METTL17: variants seen among roughly 807,000 people sequenced by gnomAD.
The protein encoded by METTL17 is ribosome assembly protein METTL17, mitochondrial.
METTL17 carries 49 observed loss-of-function variants against 59.4 expected under a neutral mutation model. The ratio of observed to expected loss-of-function variants is 0.82; its 90% CI spans 0.66 to 1.05. The LOEUF (loss-of-function observed/expected upper bound fraction) is 1.05. Among genes scored for constraint, METTL17 ranks in the 50% least tolerant of loss-of-function variants. The pLI, the probability that METTL17 is intolerant of heterozygous loss-of-function variation, is 0.00. For synonymous variants in METTL17, 208 were observed against 209.2 expected (o/e 0.99, Z 0.05); for missense variants, 555 against 578.4 (o/e 0.96, Z 0.41).
At chr14:20,996,397 G>C (rs1312275747) in intron 12 of METTL17, 105 bp downstream of exon 12, 6 of 1,479,632 alleles carry the variant, frequency 4.1e-6, no homozygotes, top group Non-Finnish European at 5.6e-6. Context: ...ATAGCCTGGA[G>C]ACTTTAGGGC....
At position 20,993,752 on chromosome 14, in the gene METTL17, C is replaced by G. The variant is rs1305665472; in HGVS notation, c.603-217C>G. The G allele has an allele frequency of 2.0e-5, 7 of 345,454 alleles. 1 individual carries two copies. In the East Asian group the frequency reaches 3.8e-4, roughly 19 times the overall value. 21.4% of individuals were successfully genotyped at this position (345,454 alleles called of 1,614,324 possible). A position where few individuals can be genotyped will look rare whatever the true frequency, so the allele number is the denominator to read the frequency against. ...CCTCCCAAAGTGCTGGGATTACAAG[C>G]ATGAGCCACTGTGCCCAGCTGAGTC... is the stretch of plus-strand genomic sequence containing the variant. On this transcript the variant is annotated intron_variant, in intron 6 of 13. Transcript: ENST00000339374.
rs1031255766 is a variant in METTL17, at chr14:20,996,779, C to T, written c.1266-6C>T. On this transcript the variant is annotated splice_region_variant and splice_polypyrimidine_tract_variant and intron_variant, in intron 13 of 13. Transcript: ENST00000339374. The stretch of plus-strand genomic sequence containing the variant: ...CTGCAGCCCACGCCAGCATCTGTTT[C>T]CACAGGGATTTGTATCGTTGTGCCC... 1 of 1,614,224 alleles carries T rather than the reference C, an allele frequency of 6.2e-7. No individual in the cohort carries two copies. The highest frequency in any genetic ancestry group is 1.1e-5 in the South Asian group (1 of 91,092).
intron 1 of METTL17, 75 bp from the exon 2 acceptor site, chr14:20,990,155 G>A: frequency 6.3e-7 from 1 of 1,596,574 alleles, no homozygotes; most frequent in Non-Finnish European, 8.5e-7. Context: ...GAGCGCTCCT[G>A]GCAGCCCCCG....
Position 20,996,962 on chromosome 14 carries a change from A to AT in METTL17, c.*72_*73insT. On this transcript the variant is annotated 3_prime_UTR_variant, in exon 14 of 14. Coordinates refer to ENST00000339374, the MANE Select transcript of METTL17 (RefSeq NM_022734.3). The stretch of plus-strand genomic sequence containing the variant: ...GAAGCTGCCTGGTATCCAGGAGGGG[A>AT]ATGCTGGTATCCCCATATGTCTGTG... 1 of 1,485,034 alleles carries AT rather than the reference A, an allele frequency of 6.7e-7. No homozygotes were observed. The highest frequency in any genetic ancestry group is 9.1e-7 in the Non-Finnish European group (1 of 1,093,574). 92.0% of individuals were successfully genotyped at this position (1,485,034 alleles called of 1,614,324 possible).
rs1335016327 is a variant in METTL17 at position 20,994,979 on chromosome 14, T to G, written c.876+78T>G. On this transcript the variant is annotated intron_variant, in intron 9 of 13. Transcript: ENST00000339374. Reference sequence around the variant, plus strand: ...CATGCCTTTGCTCCTCTCATTGTCTTTATTCTTCACCATTTTTCTCCTTCA... The same window carrying G: ...CATGCCTTTGCTCCTCTCATTGTCTGTATTCTTCACCATTTTTCTCCTTCA... The G allele has an allele frequency of 3.1e-6, 4 of 1,280,818 alleles. No homozygotes were observed. The African/African-American group carries it at 5.9e-5, about 19-fold the overall frequency. The allele number at this position is 1,280,818 out of a possible 1,614,324, so 79.3% of individuals were successfully genotyped here. A position where few individuals can be genotyped will look rare whatever the true frequency, so the allele number is the denominator to read the frequency against.
At chr14:20,993,631 C>T (rs1413681037) in intron 6 of METTL17, 4 of 219,650 alleles carry the variant, frequency 1.8e-5, no homozygotes, top group Non-Finnish European at 9.1e-6. Flanking sequence ...CACGCCACCA[C>T]ACCCAGCTAA....
At position 20,990,270 on chromosome 14, in the gene METTL17, A is replaced by G. The variant is rs777812305; in HGVS notation, c.116A>G (p.Asn39Ser). 9.9e-6 allele frequency: 16 copies of G among 1,614,096 alleles called. No individual in the cohort carries two copies. The highest frequency in any genetic ancestry group is 1.3e-5 in the Non-Finnish European group (15 of 1,180,022). Residue 39 changes from asparagine (N) to serine (S), a missense_variant, in exon 2 of 14, where the codon AAC (asparagine) becomes AGC (serine). Asn to Ser is a conservative substitution (Grantham distance 46, BLOSUM62 1). Transcript: ENST00000339374. ...ALVPGVTQVD[N>S]KSGFLQKRPH... ...GTACCCGGAGTGACCCAGGTAGATA[A>G]CAAGTCCGGTTTCCTGCAGAAGAGG... is the stretch of plus-strand genomic sequence containing the variant.
intron 1 of METTL17, 58 bp downstream of exon 1, chr14:20,990,135 C>T: frequency 6.2e-7 from 1 of 1,610,912 alleles, no homozygotes; most frequent in Non-Finnish European, 8.5e-7. Context: ...GACATCTCCG[C>T]GCAGAGGAGG....
chr14:20,994,889 A>G lies in METTL17; in HGVS notation c.864A>G (p.Thr288=), dbSNP rs762723613. The G allele has an allele frequency of 1.2e-6, 2 of 1,613,264 alleles. No homozygotes were observed. Among genetic ancestry groups the G allele is most frequent in the South Asian group, 2.2e-5 (2 of 90,864 alleles). The change falls in exon 9 of 14, where the codon ACA becomes ACG. Residue 288 remains threonine, a synonymous_variant. Coordinates refer to ENST00000339374, the MANE Select transcript of METTL17 (RefSeq NM_022734.3). ...TEVVQTLWRK[T]GHFLVLVENG... The stretch of plus-strand genomic sequence containing the variant: ...TAGTTCAAACCTTATGGCGTAAGAC[A>G]GGTCATTTCCTGGTGAGTTAAAATT...
intron 3 of METTL17, 146 bp from the exon 4 acceptor site, chr14:20,991,978 C>G (rs767993306): frequency 3.0e-6 from 2 of 676,574 alleles, no homozygotes; most frequent in African/African-American, 1.8e-5. Context: ...TTGCCTGAAA[C>G]TTTTCTCTAG....
intron 9 of METTL17, 99 bp downstream of exon 9, chr14:20,995,000 C>T: frequency 8.4e-7 from 1 of 1,195,508 alleles, no homozygotes; most frequent in South Asian, 1.4e-5. Context: ...CATTTTTCTC[C>T]TTCATGGGTT....
chr14:20,995,507 A>G (rs532374361), intron 10 of METTL17, among the ~76,000 whole-genome samples: 1 of 152,340 alleles, frequency 6.6e-6, no homozygotes, highest in East Asian at 1.9e-4. Context: ...GTTGGGACAG[A>G]GATAGATTTT....
intron 7 of METTL17, 37 bp from the exon 8 acceptor site, chr14:20,994,506 C>T (rs1239935691): frequency 4.5e-6 from 7 of 1,551,240 alleles, no homozygotes; most frequent in Non-Finnish European, 6.2e-6. Flanking sequence ...TACCTAACTT[C>T]CTACACACTC....
chr14:20,995,890 T>G lies in METTL17; in HGVS notation c.946-11T>G. On this transcript the variant is annotated splice_polypyrimidine_tract_variant and intron_variant, in intron 10 of 13. Transcript: ENST00000339374. ...GCCCAGCTTTATTTCTTTTATTTCCTTTGATTTCAGGGAAAAGAGAAGTCA... is the reference window on the plus strand; with the variant it reads ...GCCCAGCTTTATTTCTTTTATTTCCGTTGATTTCAGGGAAAAGAGAAGTCA... 10 of 1,613,714 alleles carry G rather than the reference T, an allele frequency of 6.2e-6. No homozygotes were observed. Among genetic ancestry groups the G allele is most frequent in the Non-Finnish European group, 8.5e-6 (10 of 1,179,598 alleles).
At chr14:20,992,029 G>C (rs1880053274) in intron 3 of METTL17, 95 bp from the exon 4 acceptor site, 1 of 1,107,804 alleles carries the variant, frequency 9.0e-7, no homozygotes, top group East Asian at 2.4e-5. Context: ...TTCTTAGGTG[G>C]AGTCGGGGAG....
chr14:20,993,466 T>C (rs1268231347), intron 6 of METTL17: 1 of 458,030 alleles, frequency 2.2e-6, no homozygotes, highest in Non-Finnish European at 3.8e-6. Flanking sequence ...AAATAGTATT[T>C]TGAGTCTACC....
intron 3 of METTL17, 37 bp from the exon 4 acceptor site, chr14:20,992,087 C>G (rs1880057589): frequency 1.2e-6 from 2 of 1,601,742 alleles, no homozygotes; most frequent in Non-Finnish European, 8.5e-7. Context: ...CCCTGTTCTC[C>G]CTAGGTCCTG....
rs55637360 is a variant in METTL17, at chr14:20,993,689, G to A, written c.603-280G>A. 9.8e-3 allele frequency: 2,374 copies of A among 241,086 alleles called. 58 individuals are homozygous for A. The highest frequency in any genetic ancestry group is 0.049 in the African/African-American group (2,144 of 43,734). 14.9% of individuals were successfully genotyped at this position (241,086 alleles called of 1,614,324 possible). ...GGGGTTTCACCATATTGGCCAGGCT[G>A]GTCTCTAACTCCTGACCTTGTGATC... On this transcript the variant is annotated intron_variant, in intron 6 of 13. Coordinates refer to ENST00000339374, the MANE Select transcript of METTL17 (RefSeq NM_022734.3).
chr14:20,994,931 T>C (rs770117245), intron 9 of METTL17, 30 bp downstream of exon 9: 8 of 1,542,690 alleles, frequency 5.2e-6, no homozygotes, highest in South Asian at 1.1e-5. Context: ...TCTCCTTAAG[T>C]CTTGAAGCAG....
Sources: gnomAD v4.1 joint callset for allele counts (sites outside exome capture counted in the v4.1 genomes callset) on GRCh38, gnomAD v4.1.1 for gene constraint, MANE v1.5 for transcripts, NCBI Gene and HGNC (gene_info 2026-07-23, HGNC 2026-07-21) for gene names.